The following NDE1 variants were observed in gnomAD, a reference collection of about 807,000 sequenced individuals.
NDE1 encodes nuclear distribution protein nudE homolog 1.
NDE1 carries 28 observed loss-of-function variants against 43.4 expected under a neutral mutation model. That is an observed-to-expected ratio of 0.65 (90% CI 0.48 to 0.89). NDE1 has a LOEUF of 0.89. NDE1 is among the 40% of genes least tolerant of loss of function. The probability of loss-of-function intolerance (pLI) is 0.00; values close to 1 mark genes in which losing one functional copy is unlikely to be tolerated. For missense variants in NDE1, 441 were observed against 434.1 expected (o/e 1.02, Z -0.14); for synonymous variants, 184 against 172.0 (o/e 1.07, Z -0.55).
chr16:15,680,972 A>T (rs1596598168), intron 4 of NDE1, among the ~76,000 whole-genome samples: 2 of 151,568 alleles, frequency 1.3e-5, no homozygotes, highest in South Asian at 4.2e-4. Context: ...TTGAAAAAAA[A>T]TTTTTTATAC....
intron 3 of NDE1, among the ~76,000 whole-genome samples, chr16:15,672,275 A>T (rs761952424): frequency 6.6e-6 from 1 of 152,120 alleles, no homozygotes; most frequent in Non-Finnish European, 1.5e-5. Context: ...TCTACTAAAA[A>T]TAAAAAAATT....
chr16:15,670,906 G>A (rs955767838), intron 3 of NDE1, among the ~76,000 whole-genome samples: 5 of 152,080 alleles, frequency 3.3e-5, no homozygotes, highest in African/African-American at 9.7e-5. Flanking sequence ...GGGGCAGGGC[G>A]GAGGAGAGGT....
intron 8 of NDE1, chr16:15,721,180 G>T: frequency 9.5e-7 from 1 of 1,051,230 alleles, no homozygotes; most frequent in Non-Finnish European, 1.4e-6. Context: ...GCATGGCCGG[G>T]ACTCAAGATG....
At chr16:15,695,452 G>A (rs2038966557) in intron 7 of NDE1, 1 of 969,682 alleles carries the variant, frequency 1.0e-6, no homozygotes. Context: ...AGGTTGCAGT[G>A]AGCTGAGATC....
At chr16:15,697,616 G>C (rs528478116) in intron 8 of NDE1, among the ~76,000 whole-genome samples, 35 of 152,174 alleles carry the variant, frequency 2.3e-4, no homozygotes, top group African/African-American at 8.2e-4. Context: ...AGGAGGCTGA[G>C]GAAGGAGAAT....
intron 8 of NDE1, chr16:15,699,868 T>G: frequency 7.6e-7 from 1 of 1,324,118 alleles, no homozygotes; most frequent in Middle Eastern, 2.1e-4. Context: ...CGGAAGTCGT[T>G]ACCTTTTGTC....
intron 3 of NDE1, among the ~76,000 whole-genome samples, chr16:15,668,614 C>G (rs893255655): frequency 6.6e-6 from 1 of 152,104 alleles, no homozygotes; most frequent in Non-Finnish European, 1.5e-5. Context: ...ATCATCAGGT[C>G]CAATATTGTA....
chr16:15,664,887 C>CA, intron 2 of NDE1, 26 bp downstream of exon 2: 2 of 1,341,326 alleles, frequency 1.5e-6, no homozygotes. Context: ...CCTGCTTTTC[C>CA]TTTTTTTTTT....
intron 1 of NDE1, among the ~76,000 whole-genome samples, chr16:15,663,539 G>T (rs920238391): frequency 6.6e-6 from 1 of 151,984 alleles, no homozygotes; most frequent in African/African-American, 2.4e-5. Flanking sequence ...ACTGCACCTG[G>T]CTTTTTCATA....
upstream of NDE1, among the ~76,000 whole-genome samples, chr16:15,645,742 G>C (rs554898107): frequency 2.0e-5 from 3 of 152,228 alleles, no homozygotes; most frequent in Admixed American, 2.0e-4. Flanking sequence ...TTTTTCCCTT[G>C]TCCAAATTAT....
In NDE1 at chr16:15,725,724, A is replaced by C. The variant is rs1244726605; in HGVS notation, c.*1473A>C. 7.5e-6 allele frequency: 3 copies of C among 398,634 alleles called. No homozygotes were observed. The highest frequency in any genetic ancestry group is 2.1e-5 in the African/African-American group (1 of 48,620). The allele number at this position is 398,634 out of a possible 1,614,324, so 24.7% of individuals were successfully genotyped here. On this transcript the variant is annotated 3_prime_UTR_variant, in exon 9 of 9. Coordinates refer to ENST00000396354, the MANE Select transcript of NDE1 (RefSeq NM_017668.3). The stretch of plus-strand genomic sequence containing the variant: ...CGCCCCTTGGTCCCTGGCTGTGGAC[A>C]TGTTAAACATTTGTGAAAACTTTGG...
At chr16:15,678,277 G>C (rs1322227574) in intron 4 of NDE1, among the ~76,000 whole-genome samples, 1 of 152,198 alleles carries the variant, frequency 6.6e-6, no homozygotes, top group East Asian at 1.9e-4. Context: ...TAGCCATGAT[G>C]CCAGGAGGGG....
chr16:15,645,565 C>G (rs1206052118), upstream of NDE1, among the ~76,000 whole-genome samples: 1 of 152,188 alleles, frequency 6.6e-6, no homozygotes, highest in Non-Finnish European at 1.5e-5. Context: ...TTTATTGCTG[C>G]TTTCTAAAGA....
At chr16:15,707,354 T>C (rs1320821661) in intron 8 of NDE1, among the ~76,000 whole-genome samples, 1 of 152,166 alleles carries the variant, frequency 6.6e-6, no homozygotes, top group African/African-American at 2.4e-5. Context: ...ATTCGTGGAC[T>C]CAGCTTATCC....
At chr16:15,649,920 C>G (rs1383135818), upstream of NDE1, among the ~76,000 whole-genome samples, 1 of 152,202 alleles carries the variant, frequency 6.6e-6, no homozygotes, top group Non-Finnish European at 1.5e-5. Context: ...AAGGAGAGGC[C>G]GGCGTATTTT....
At chr16:15,652,123 CT>C (rs1193559723) in intron 1 of NDE1, 1 of 151,256 alleles carries the variant, frequency 6.6e-6, no homozygotes, top group African/African-American at 2.4e-5. Flanking sequence ...TGGTCTCAAA[CT>C]TCTGACCTCG....
intron 1 of NDE1, among the ~76,000 whole-genome samples, chr16:15,659,271 C>G (rs965155697): frequency 4.0e-5 from 6 of 149,968 alleles, no homozygotes; most frequent in African/African-American, 1.2e-4. Flanking sequence ...TTGACACTTA[C>G]ATGTTTAGCC....
intron 4 of NDE1, among the ~76,000 whole-genome samples, chr16:15,681,691 G>A (rs1475132105): frequency 6.6e-6 from 1 of 152,102 alleles, no homozygotes; most frequent in Non-Finnish European, 1.5e-5. Flanking sequence ...TTTGTCTGAT[G>A]TATATTTTAT....
intron 8 of NDE1, chr16:15,703,953 TG>T: frequency 6.2e-7 from 1 of 1,613,722 alleles, no homozygotes; most frequent in East Asian, 2.2e-5. Context: ...TTTTGGTTTT[TG>T]GTTTTCTTGC....
Sources: allele counts gnomAD v4.1 joint callset (sites outside exome capture counted in the v4.1 genomes callset), GRCh38; gene constraint gnomAD v4.1.1; transcripts MANE v1.5; gene names NCBI Gene and HGNC (gene_info 2026-07-23, HGNC 2026-07-21).